RSRC1: variants seen among roughly 807,000 people sequenced by gnomAD.
RSRC1 encodes serine/Arginine-related protein 53.
RSRC1 carries 39 observed loss-of-function variants against 49.1 expected under a neutral mutation model. That is an observed-to-expected ratio of 0.79 (90% CI 0.61 to 1.04). RSRC1 has a LOEUF of 1.04. RSRC1 is among the 50% of genes least tolerant of loss of function. RSRC1 has a pLI of 0.00. For synonymous variants in RSRC1, 143 were observed against 130.8 expected (o/e 1.09, Z -0.63); for missense variants, 388 against 402.4 (o/e 0.96, Z 0.31).
chr3:158,270,158 C>G (rs1011730675), intron 4 of RSRC1, among the ~76,000 whole-genome samples: 1 of 152,030 alleles, frequency 6.6e-6, no homozygotes, highest in African/African-American at 2.4e-5. Context: ...TCCTCAAACA[C>G]TCTTCATTGC....
At chr3:158,459,629 G>T (rs944986016) in intron 6 of RSRC1, among the ~76,000 whole-genome samples, 2 of 152,022 alleles carry the variant, frequency 1.3e-5, no homozygotes, top group Non-Finnish European at 2.9e-5. Flanking sequence ...CTACCAGGGA[G>T]AATAAAGTGT....
At chr3:158,375,199 T>TTAA (rs1176379168) in intron 6 of RSRC1, among the ~76,000 whole-genome samples, 1 of 117,178 alleles carries the variant, frequency 8.5e-6, no homozygotes, top group Non-Finnish European at 1.9e-5. Flanking sequence ...ATTATTATTA[T>TTAA]TAACTTATTT....
intron 4 of RSRC1, among the ~76,000 whole-genome samples, chr3:158,260,257 G>C (rs892850987): frequency 2.0e-5 from 3 of 152,080 alleles, no homozygotes; most frequent in African/African-American, 7.2e-5. Context: ...GGGCTCAAAG[G>C]CTCTTTAGTT....
At chr3:158,201,989 A>G (rs1276802336) in intron 3 of RSRC1, among the ~76,000 whole-genome samples, 5 of 152,144 alleles carry the variant, frequency 3.3e-5, no homozygotes, top group Non-Finnish European at 4.4e-5. Context: ...GAGGGAAATC[A>G]CATGGTTGGA....
intron 3 of RSRC1, among the ~76,000 whole-genome samples, chr3:158,177,911 G>A (rs1185486421): frequency 6.6e-6 from 1 of 152,040 alleles, no homozygotes; most frequent in Non-Finnish European, 1.5e-5. Flanking sequence ...ATTTCGTTGG[G>A]ATTTCATTGA....
At chr3:158,195,774 T>A (rs1346413120) in intron 3 of RSRC1, among the ~76,000 whole-genome samples, 3 of 152,182 alleles carry the variant, frequency 2.0e-5, no homozygotes, top group Non-Finnish European at 4.4e-5. Context: ...CCATTTCTTG[T>A]TTTTGTCAGT....
chr3:158,192,832 G>T (rs1256064213), intron 3 of RSRC1, among the ~76,000 whole-genome samples: 1 of 152,004 alleles, frequency 6.6e-6, no homozygotes, highest in African/African-American at 2.4e-5. Context: ...TGAAGACAAG[G>T]ATATTAGTAC....
At chr3:158,242,032 CTTTTTTTTTTTTTTTT>C (rs34356543) in intron 4 of RSRC1, among the ~76,000 whole-genome samples, 3 of 66,616 alleles carry the variant, frequency 4.5e-5, no homozygotes, top group Non-Finnish European at 7.6e-5. Flanking sequence ...AATTTCCAAC[CTTTTTTTTTTTTTTTT>C]TTTTTTTTTT....
At chr3:158,528,918 G>A (rs557867741) in intron 7 of RSRC1, among the ~76,000 whole-genome samples, 23 of 151,890 alleles carry the variant, frequency 1.5e-4, no homozygotes, top group Non-Finnish European at 2.5e-4. Context: ...CAAATTCATG[G>A]AAACCATTCT....
At chr3:158,380,364 G>T (rs1732635268) in intron 6 of RSRC1, among the ~76,000 whole-genome samples, 1 of 152,116 alleles carries the variant, frequency 6.6e-6, no homozygotes, top group Admixed American at 6.5e-5. Flanking sequence ...GGAAGCTGAG[G>T]CTGGAGGATT....
At chr3:158,453,328 G>T (rs1009157831) in intron 6 of RSRC1, among the ~76,000 whole-genome samples, 1 of 150,854 alleles carries the variant, frequency 6.6e-6, no homozygotes, top group Non-Finnish European at 1.5e-5. Context: ...TTGATGCAGG[G>T]TATATGTATT....
chr3:158,467,926 T>A (rs1434491592), intron 7 of RSRC1, among the ~76,000 whole-genome samples: 1 of 152,238 alleles, frequency 6.6e-6, no homozygotes, highest in South Asian at 2.1e-4. Flanking sequence ...TTATTACTAT[T>A]ACCTGTGAGG....
At chr3:158,150,930 C>A (rs1482796309) in intron 3 of RSRC1, among the ~76,000 whole-genome samples, 2 of 152,126 alleles carry the variant, frequency 1.3e-5, no homozygotes, top group Non-Finnish European at 2.9e-5. Context: ...AACTTCATAA[C>A]CTATACCAGT....
chr3:158,419,734 G>T (rs1314095584), intron 6 of RSRC1, among the ~76,000 whole-genome samples: 7 of 150,942 alleles, frequency 4.6e-5, no homozygotes, highest in African/African-American at 1.7e-4. Context: ...CTTTATTGTA[G>T]TACCTGTCCC....
At chr3:158,516,136 G>A (rs1740513803) in intron 7 of RSRC1, among the ~76,000 whole-genome samples, 1 of 152,210 alleles carries the variant, frequency 6.6e-6, no homozygotes, top group Non-Finnish European at 1.5e-5. Context: ...TTCCATTGCT[G>A]GTGAGGAACT....
At chr3:158,462,230 T>C (rs1002511165) in intron 7 of RSRC1, among the ~76,000 whole-genome samples, 38 of 151,958 alleles carry the variant, frequency 2.5e-4, no homozygotes, top group African/African-American at 8.7e-4. Context: ...TTGGATCTCT[T>C]GGCATTGTTA....
intron 4 of RSRC1, among the ~76,000 whole-genome samples, chr3:158,239,670 C>G (rs1200996026): frequency 6.6e-6 from 1 of 151,882 alleles, no homozygotes; most frequent in Non-Finnish European, 1.5e-5. Flanking sequence ...ACATGTATGC[C>G]TGTGTAACAA....
At chr3:158,155,183 G>T (rs1256681880) in intron 3 of RSRC1, among the ~76,000 whole-genome samples, 1 of 152,094 alleles carries the variant, frequency 6.6e-6, no homozygotes, top group African/African-American at 2.4e-5. Context: ...ATGGCATCTA[G>T]AATGGTGAAT....
chr3:158,197,570 C>G (rs551424206), intron 3 of RSRC1, among the ~76,000 whole-genome samples: 4 of 150,830 alleles, frequency 2.7e-5, no homozygotes, highest in Admixed American at 6.6e-5. Flanking sequence ...TCTTGTTTCT[C>G]TAGTTGTGAT....
Sources: allele counts gnomAD v4.1 joint callset (sites outside exome capture counted in the v4.1 genomes callset), GRCh38; gene constraint gnomAD v4.1.1; transcripts MANE v1.5; gene names NCBI Gene and HGNC (gene_info 2026-07-23, HGNC 2026-07-21).